ACO1: variants seen among roughly 807,000 people sequenced by gnomAD.
ACO1 encodes the protein aconitase 1.
ACO1 carries 78 observed loss-of-function variants against 105.1 expected under a neutral mutation model. That is an observed-to-expected ratio of 0.74 (90% CI 0.62 to 0.90). The LOEUF (loss-of-function observed/expected upper bound fraction) is 0.90. Ranked by LOEUF, ACO1 falls within the 40% of genes least tolerant of loss-of-function variation. The probability of loss-of-function intolerance (pLI) is 0.00; values close to 1 mark genes in which losing one functional copy is unlikely to be tolerated. For missense variants in ACO1, 965 were observed against 1,111.1 expected (o/e 0.87, Z 1.87); for synonymous variants, 364 against 397.4 (o/e 0.92, Z 1.00).
At chr9:32,417,983 C>T in intron 4 of ACO1, 145 bp from the exon 5 acceptor site, 1 of 698,420 alleles carries the variant, frequency 1.4e-6, no homozygotes, top group Non-Finnish European at 2.4e-6. Context: ...TCCTATTCTG[C>T]ATTGTAAATA....
intron 18 of ACO1, among the ~76,000 whole-genome samples, chr9:32,438,008 T>G (rs995700161): frequency 6.6e-6 from 1 of 152,132 alleles, no homozygotes; most frequent in Non-Finnish European, 1.5e-5. Context: ...AAGCAAAATT[T>G]CTCTGAGAAT....
At position 32,440,451 on chromosome 9, in the gene ACO1, T is replaced by C. The variant is rs1822451928; in HGVS notation, c.2248-14T>C. ...CTCTCCTGCATCTGTAAAACTTCCT[T>C]TTCTCTTCCTCAGCTTGATGTGTTT... On this transcript the variant is annotated splice_polypyrimidine_tract_variant and intron_variant, in intron 18 of 20. Coordinates refer to ENST00000309951, the MANE Select transcript of ACO1 (RefSeq NM_002197.3). The C allele has an allele frequency of 6.2e-7, 1 of 1,613,250 alleles. No individual in the cohort carries two copies. Among genetic ancestry groups the C allele is most frequent in the Non-Finnish European group, 8.5e-7 (1 of 1,179,500 alleles).
intron 5 of ACO1, 31 bp from the exon 6 acceptor site, chr9:32,418,297 T>G: frequency 1.2e-6 from 2 of 1,613,574 alleles, no homozygotes; most frequent in Non-Finnish European, 1.7e-6. Flanking sequence ...CTTCACGCGT[T>G]CATAGTGTTC....
chr9:32,396,987 T>A (rs1186679163), intron 1 of ACO1, among the ~76,000 whole-genome samples: 8 of 151,680 alleles, frequency 5.3e-5, no homozygotes, highest in East Asian at 1.9e-4. Context: ...CTTTTTTTTT[T>A]AAAATCTTGA....
At chr9:32,402,067 T>A (rs1280673057) in intron 1 of ACO1, among the ~76,000 whole-genome samples, 1 of 152,272 alleles carries the variant, frequency 6.6e-6, no homozygotes, top group Non-Finnish European at 1.5e-5. Context: ...CTTCCTTGAT[T>A]CAGTGGCCAG....
At chr9:32,413,274 A>G (rs966632106) in intron 4 of ACO1, among the ~76,000 whole-genome samples, 1 of 152,116 alleles carries the variant, frequency 6.6e-6, no homozygotes, top group African/African-American at 2.4e-5. Flanking sequence ...TCACGAGGTC[A>G]GGAGATCAAG....
chr9:32,428,522 G>C (rs890728014), intron 12 of ACO1, among the ~76,000 whole-genome samples: 1 of 151,366 alleles, frequency 6.6e-6, no homozygotes, highest in African/African-American at 2.4e-5. Flanking sequence ...TAAACAAAAA[G>C]AGTACACTCT....
chr9:32,396,389 T>C (rs1463450002), intron 1 of ACO1, among the ~76,000 whole-genome samples: 1 of 152,186 alleles, frequency 6.6e-6, no homozygotes, highest in Non-Finnish European at 1.5e-5. Context: ...TACACCTGGC[T>C]TAAAGTGTAG....
chr9:32,447,354 A>G (rs1039639684), intron 19 of ACO1, among the ~76,000 whole-genome samples: 8 of 152,236 alleles, frequency 5.3e-5, no homozygotes, highest in Middle Eastern at 3.4e-3. Context: ...CACTTGATCA[A>G]TTCAGCTATT....
intron 14 of ACO1, among the ~76,000 whole-genome samples, chr9:32,431,382 A>C (rs1822231579): frequency 6.6e-6 from 1 of 152,228 alleles, no homozygotes; most frequent in African/African-American, 2.4e-5. Flanking sequence ...CATAGTCCTG[A>C]AGTGCTTCTG....
chr9:32,426,374 C>G (rs980792535), intron 11 of ACO1, among the ~76,000 whole-genome samples: 1 of 152,146 alleles, frequency 6.6e-6, no homozygotes, highest in Non-Finnish European at 1.5e-5. Flanking sequence ...GACGTGAATG[C>G]TGGGAGGTGT....
At chr9:32,434,731 A>C in intron 17 of ACO1, 30 bp downstream of exon 17, 1 of 1,611,664 alleles carries the variant, frequency 6.2e-7, no homozygotes, top group South Asian at 1.1e-5. Context: ...GAAGGACTAA[A>C]GGCAAAAATG....
chr9:32,447,810 T>TAACA (rs1425666356), intron 19 of ACO1, among the ~76,000 whole-genome samples: 1 of 152,196 alleles, frequency 6.6e-6, no homozygotes, highest in Non-Finnish European at 1.5e-5. Flanking sequence ...GTTTTCCTTC[T>TAACA]AACAAGCAGA....
At chr9:32,434,879 G>A (rs1362621960) in intron 17 of ACO1, among the ~76,000 whole-genome samples, 178 bp downstream of exon 17, 1 of 152,164 alleles carries the variant, frequency 6.6e-6, no homozygotes, top group Admixed American at 6.5e-5. Context: ...AGCTTCCATG[G>A]GAGAAACGAT....
At chr9:32,433,376 G>A (rs1334678063) in intron 15 of ACO1, among the ~76,000 whole-genome samples, 2 of 152,036 alleles carry the variant, frequency 1.3e-5, no homozygotes, top group Non-Finnish European at 2.9e-5. Context: ...TCGGACTACA[G>A]GCACATGCCA....
intron 2 of ACO1, 94 bp from the exon 3 acceptor site, chr9:32,407,167 A>T: frequency 8.9e-7 from 1 of 1,124,656 alleles, no homozygotes; most frequent in African/African-American, 1.5e-5. Context: ...GAATAGTCTG[A>T]TGCCTCATAT....
Position 32,448,987 on chromosome 9 carries a change from G to T in ACO1, c.2462G>T (p.Gly821Val). 1 of 1,614,014 alleles carries T rather than the reference G, an allele frequency of 6.2e-7. No homozygotes were observed. The highest frequency in any genetic ancestry group is 1.1e-5 in the South Asian group (1 of 91,086). Residue 821 changes from glycine (G) to valine (V), a missense_variant, in exon 20 of 21, where the codon GGT (glycine) becomes GTT (valine). Coordinates refer to ENST00000309951, the MANE Select transcript of ACO1 (RefSeq NM_002197.3). ...GTGATCCCACTTGAATATCTCCCTG[G>T]TGAGAATGCAGATGCCCTGGGGCTC... ...MGVIPLEYLPGENADALGLTG... is the reference protein window; with the variant it reads ...MGVIPLEYLPVENADALGLTG...
chr9:32,430,668 G>C (rs1822207795), intron 14 of ACO1, 94 bp downstream of exon 14: 2 of 1,328,938 alleles, frequency 1.5e-6, no homozygotes, highest in African/African-American at 1.5e-5. Context: ...ATGAAGCATA[G>C]AGCCTCCAGG....
At chr9:32,434,407 C>T in intron 16 of ACO1, 152 bp from the exon 17 acceptor site, 1 of 885,486 alleles carries the variant, frequency 1.1e-6, no homozygotes, top group Non-Finnish European at 1.7e-6. Flanking sequence ...TTTTCTTGGC[C>T]TCTTTGATAA....
Sources: gnomAD v4.1 joint callset for allele counts (sites outside exome capture counted in the v4.1 genomes callset) on GRCh38, gnomAD v4.1.1 for gene constraint, MANE v1.5 for transcripts, NCBI Gene and HGNC (gene_info 2026-07-23, HGNC 2026-07-21) for gene names.